CAVIN1: variants seen among roughly 807,000 people sequenced by gnomAD.
CAVIN1 encodes caveolae associated protein 1, also known as caveolae-associated protein 1.
In CAVIN1, 16 loss-of-function variants were observed where a neutral mutation model predicts 24.0. The ratio of observed to expected loss-of-function variants is 0.67; its 90% CI spans 0.45 to 1.01. The LOEUF is 1.01. CAVIN1 is among the 50% of genes least tolerant of loss of function. CAVIN1 has a pLI of 0.00. For missense variants in CAVIN1, 510 were observed against 551.7 expected, an observed-to-expected ratio of 0.92 and a Z score of 0.76; for synonymous variants, 256 against 256.4, an observed-to-expected ratio of 1.00 and a Z score of 0.02.
intron 1 of CAVIN1, among the ~76,000 whole-genome samples, chr17:42,413,092 C>T (rs2085489946): frequency 6.6e-6 from 1 of 151,496 alleles, no homozygotes; most frequent in Non-Finnish European, 1.5e-5. Context: ...CCACCATGCT[C>T]AGCTAATATT....
chr17:42,405,832 C>G (rs2085443470), intron 1 of CAVIN1, among the ~76,000 whole-genome samples: 1 of 151,888 alleles, frequency 6.6e-6, no homozygotes. Context: ...GGATTACAGG[C>G]GCCCGCCACC....
intron 1 of CAVIN1, among the ~76,000 whole-genome samples, chr17:42,419,487 A>G (rs1358518693): frequency 1.3e-5 from 2 of 151,536 alleles, no homozygotes; most frequent in Admixed American, 1.3e-4. Context: ...TAATTTTTGT[A>G]TTTTAGTAGA....
intron 1 of CAVIN1, among the ~76,000 whole-genome samples, chr17:42,414,319 T>C (rs1000428246): frequency 2.0e-5 from 3 of 152,114 alleles, no homozygotes; most frequent in Non-Finnish European, 2.9e-5. Context: ...CGTCCCCACC[T>C]TCTGTCTCCC....
chr17:42,404,777 C>T lies in CAVIN1; in HGVS notation c.1083G>A (p.Leu361=). Residue 361 remains leucine, a synonymous_variant, in exon 2 of 2, where the codon CTG becomes CTA. Transcript: ENST00000357037. Reference sequence around the variant, plus strand: ...GCACGTCGGGGCTGCTCCCGCGCCGCAGGTCGCCGGCCTCCCCGCGCTCCG... The same window carrying T: ...GCACGTCGGGGCTGCTCCCGCGCCGTAGGTCGCCGGCCTCCCCGCGCTCCG... ...GGAERGEAGD[L]RRGSSPDVHA... 1 of 1,586,584 alleles carries T rather than the reference C, an allele frequency of 6.3e-7. No homozygotes were observed. Among genetic ancestry groups the T allele is most frequent in the Non-Finnish European group, 8.6e-7 (1 of 1,167,798 alleles).
chr17:42,418,058 G>A (rs1178370924), intron 1 of CAVIN1, among the ~76,000 whole-genome samples: 3 of 152,096 alleles, frequency 2.0e-5, no homozygotes, highest in African/African-American at 7.2e-5. Flanking sequence ...ATGCTGTATA[G>A]GTTTGTAGCC....
intron 1 of CAVIN1, among the ~76,000 whole-genome samples, chr17:42,405,848 G>A (rs897507558): frequency 2.0e-5 from 3 of 151,692 alleles, no homozygotes; most frequent in Non-Finnish European, 4.4e-5. Flanking sequence ...CCACCACGCC[G>A]GCTAAATTTT....
At position 42,403,304 on chromosome 17, in the gene CAVIN1, C is replaced by T. The variant is rs920673009; in HGVS notation, c.*1383G>A. On this transcript the variant is annotated 3_prime_UTR_variant, in exon 2 of 2. Coordinates refer to ENST00000357037, the MANE Select transcript of CAVIN1 (RefSeq NM_012232.6). ...GCTCTGTGATGTTCTCTCCCCACCTCCCCTCCAGCTCTCAACTTGGTGGCA... is the reference window on the plus strand; with the variant it reads ...GCTCTGTGATGTTCTCTCCCCACCTTCCCTCCAGCTCTCAACTTGGTGGCA... 1 of 152,688 alleles carries T rather than the reference C, an allele frequency of 6.5e-6. No individual in the cohort carries two copies. The highest frequency in any genetic ancestry group is 2.4e-5 in the African/African-American group (1 of 41,416). 9.5% of individuals were successfully genotyped at this position (152,688 alleles called of 1,614,324 possible).
chr17:42,410,388 AAGG>A (rs1250715131), intron 1 of CAVIN1, among the ~76,000 whole-genome samples: 2 of 152,218 alleles, frequency 1.3e-5, no homozygotes, highest in East Asian at 3.9e-4. Flanking sequence ...TTGCTAAGAC[AAGG>A]AGATGAGAGA....
At chr17:42,420,675 G>A (rs570948362) in intron 1 of CAVIN1, among the ~76,000 whole-genome samples, 2 of 152,318 alleles carry the variant, frequency 1.3e-5, no homozygotes, top group Admixed American at 6.5e-5. Context: ...GATTGCTGGA[G>A]AGGGCAGAAC....
rs1337735036 is a variant in CAVIN1, at chr17:42,422,765, C to T, written c.333G>A (p.Leu111=). 1.2e-6 allele frequency: 2 copies of T among 1,613,260 alleles called. No homozygotes were observed. The highest frequency in any genetic ancestry group is 2.2e-5 in the East Asian group (1 of 44,856). The part of the protein sequence containing the change: ...ATTSNTVSKL[L]EKVRKVSVNV... ...TGACGCTGACCTTGCGCACCTTCTC[C>T]AGCAGCTTGCTCACCGTATTGCTCG... is the stretch of plus-strand genomic sequence containing the variant. Residue 111 remains leucine (L), a synonymous_variant, in exon 1 of 2, where the codon CTG becomes CTA. Coordinates refer to ENST00000357037, the MANE Select transcript of CAVIN1 (RefSeq NM_012232.6).
intron 1 of CAVIN1, among the ~76,000 whole-genome samples, chr17:42,410,320 A>C (rs1402678433): frequency 6.6e-6 from 1 of 152,112 alleles, no homozygotes; most frequent in Non-Finnish European, 1.5e-5. Context: ...GAGGGTGCAG[A>C]GGAGGGGAGA....
At position 42,409,025 on chromosome 17, in the gene CAVIN1, C is replaced by T. The variant is rs544756240; in HGVS notation, c.472-3637G>A. On this transcript the variant is annotated intron_variant, in intron 1 of 1. Coordinates refer to ENST00000357037, the MANE Select transcript of CAVIN1 (RefSeq NM_012232.6). ...CAGGCTGTTCTCAAACTCCTGACCTCAAGGGATCCTCCCACCTCGGCCTCC... is the reference window on the plus strand; with the variant it reads ...CAGGCTGTTCTCAAACTCCTGACCTTAAGGGATCCTCCCACCTCGGCCTCC... Among the ~76,000 whole-genome samples, 27 of 152,216 alleles carry T rather than the reference C, an allele frequency of 1.8e-4. 1 individual carries two copies. In the South Asian group the frequency reaches 4.6e-3, roughly 26 times the overall value.
chr17:42,422,572 A>G, intron 1 of CAVIN1, 55 bp downstream of exon 1: 1 of 1,392,390 alleles, frequency 7.2e-7, no homozygotes, highest in Admixed American at 2.1e-5. Flanking sequence ...ACTCCCAGGC[A>G]GGGGACGCGG....
chr17:42,419,108 GATCACTTGAGCCCA>G (rs1300672701), intron 1 of CAVIN1, among the ~76,000 whole-genome samples: 1 of 151,968 alleles, frequency 6.6e-6, no homozygotes, highest in African/African-American at 2.4e-5. Context: ...GAACCAGGAG[GATCACTTGAGCCCA>G]AGAGTTCGAG....
intron 1 of CAVIN1, among the ~76,000 whole-genome samples, chr17:42,420,852 C>T (rs1350303130): frequency 6.6e-6 from 1 of 152,108 alleles, no homozygotes; most frequent in Non-Finnish European, 1.5e-5. Flanking sequence ...CCCTCGAGCT[C>T]TTCATGGTGG....
intron 1 of CAVIN1, among the ~76,000 whole-genome samples, chr17:42,421,875 AG>A (rs913033019): frequency 1.4e-4 from 22 of 151,830 alleles, no homozygotes; most frequent in African/African-American, 1.5e-4. Context: ...CCACTCCACC[AG>A]CCCCTCTTGC....
intron 1 of CAVIN1, chr17:42,412,373 G>A: frequency 1.6e-6 from 1 of 622,536 alleles, no homozygotes; most frequent in Non-Finnish European, 2.0e-6. Flanking sequence ...CAATGTATTA[G>A]GATGGAAATA....
Position 42,420,410 on chromosome 17 carries a change from G to C in CAVIN1, c.471+2217C>G, listed in dbSNP as rs9892974. 8.8e-3 allele frequency among the ~76,000 whole-genome samples: 1,340 copies of C among 152,338 alleles called. 25 individuals are homozygous for C. The highest frequency in any genetic ancestry group is 0.03 in the African/African-American group (1,266 of 41,578). On this transcript the variant is annotated intron_variant, in intron 1 of 1. Coordinates refer to ENST00000357037, the MANE Select transcript of CAVIN1 (RefSeq NM_012232.6). ...CCCCACCTGGAACATCTGCTCTGCA[G>C]CTCAGGGAAGTTCTGCTTTCCCAAG...
intron 1 of CAVIN1, chr17:42,411,382 C>A: frequency 2.1e-6 from 2 of 964,974 alleles, no homozygotes; most frequent in South Asian, 4.8e-5. Context: ...AGTCCAACCC[C>A]ATCTCTAAAA....
Sources: gnomAD v4.1 joint callset for allele counts (sites outside exome capture counted in the v4.1 genomes callset) on GRCh38, gnomAD v4.1.1 for gene constraint, MANE v1.5 for transcripts, NCBI Gene and HGNC (gene_info 2026-07-23, HGNC 2026-07-21) for gene names.